PCLO: variants seen among roughly 807,000 people sequenced by gnomAD.
PCLO encodes the protein piccolo presynaptic cytomatrix protein.
A neutral mutation model predicts 427.5 loss-of-function variants in PCLO; 82 were observed. The ratio of observed to expected loss-of-function variants is 0.19; its 90% CI spans 0.16 to 0.23. The LOEUF (loss-of-function observed/expected upper bound fraction) is 0.23. Ranked by LOEUF, PCLO falls within the 10% of genes least tolerant of loss-of-function variation. PCLO has a pLI of 1.00. For missense variants in PCLO, 6,239 were observed against 6,115.9 expected, an observed-to-expected ratio of 1.02 and a Z score of -0.67; for synonymous variants, 2,357 against 2,155.4, an observed-to-expected ratio of 1.09 and a Z score of -2.59.
chr7:83,091,277 A>G (rs1375210601), intron 3 of PCLO, among the ~76,000 whole-genome samples: 2 of 152,194 alleles, frequency 1.3e-5, no homozygotes, highest in Non-Finnish European at 2.9e-5. Context: ...TGCCAACTGA[A>G]TGATAGAATG....
At chr7:82,939,336 T>A (rs1024979058) in intron 6 of PCLO, among the ~76,000 whole-genome samples, 1 of 152,084 alleles carries the variant, frequency 6.6e-6, no homozygotes, top group South Asian at 2.1e-4. Flanking sequence ...CCATGGTAAA[T>A]GACAATTTTA....
intron 3 of PCLO, among the ~76,000 whole-genome samples, chr7:82,994,862 T>C (rs1344128955): frequency 6.6e-6 from 1 of 151,916 alleles, no homozygotes; most frequent in South Asian, 2.1e-4. Context: ...ACAAAACCGA[T>C]AGAATTTAAC....
At chr7:83,015,820 G>C (rs943707481) in intron 3 of PCLO, among the ~76,000 whole-genome samples, 1 of 151,814 alleles carries the variant, frequency 6.6e-6, no homozygotes, top group Non-Finnish European at 1.5e-5. Context: ...AACATTACAC[G>C]TTCTTAGAAA....
chr7:82,992,474 A>G (rs1796399545), intron 3 of PCLO, among the ~76,000 whole-genome samples: 2 of 152,150 alleles, frequency 1.3e-5, no homozygotes, highest in South Asian at 4.1e-4. Flanking sequence ...TAAAGTTGTC[A>G]TACTAGACAG....
At chr7:82,822,429 G>A (rs1161815947) in intron 20 of PCLO, 66 bp downstream of exon 20, 2 of 1,611,488 alleles carry the variant, frequency 1.2e-6, no homozygotes, top group Non-Finnish European at 1.7e-6. Flanking sequence ...GGAAAGGACA[G>A]CAGGAAAGAA....
chr7:83,149,025 G>A (rs1413483577), intron 2 of PCLO, among the ~76,000 whole-genome samples: 7 of 152,176 alleles, frequency 4.6e-5, no homozygotes, highest in Admixed American at 4.6e-4. Flanking sequence ...CATTGTGGGA[G>A]AGAAGCATCA....
At chr7:83,027,583 G>A (rs1158779605) in intron 3 of PCLO, among the ~76,000 whole-genome samples, 45 of 150,552 alleles carry the variant, frequency 3.0e-4, no homozygotes, top group African/African-American at 1.1e-3. Context: ...AGAAAAAGAG[G>A]GAATCCTCCC....
chr7:82,934,160 G>A (rs1245949199), intron 6 of PCLO, among the ~76,000 whole-genome samples: 1 of 151,806 alleles, frequency 6.6e-6, no homozygotes, highest in African/African-American at 2.4e-5. Flanking sequence ...GAGATGACCA[G>A]TTTATGATAG....
At chr7:83,161,160 T>C (rs1435104877) in intron 1 of PCLO, among the ~76,000 whole-genome samples, 1 of 152,214 alleles carries the variant, frequency 6.6e-6, no homozygotes, top group Non-Finnish European at 1.5e-5. Context: ...ATATTGTCAC[T>C]ATCCATAAAA....
rs1792468370 is a variant in PCLO, at chr7:82,845,265, C to T, written c.14046+6G>A. ...GTGGGTCAGAGGTCACATCAACAAT[C>T]CTCACCTTGCTGCTGCCGTGCTTCT... is the stretch of plus-strand genomic sequence containing the variant. On this transcript the variant is annotated splice_donor_region_variant and intron_variant, in intron 13 of 24. Coordinates refer to ENST00000333891, the MANE Select transcript of PCLO (RefSeq NM_033026.6). 2 of 1,610,802 alleles carry T rather than the reference C, an allele frequency of 1.2e-6. No homozygotes were observed. Among genetic ancestry groups the T allele is most frequent in the South Asian group, 1.1e-5 (1 of 90,972 alleles).
rs200309741 is a variant in PCLO, at chr7:82,954,278, T to G, written c.6675A>C (p.Glu2225Asp). Reference protein sequence around the residue: ...DMITKFEDSEEISSSTYFPGS... With the variant: ...DMITKFEDSEDISSSTYFPGS... ...CTGGAAAATAAGTTGATGAAGAAAT[T>G]TCCTCAGAATCTTCAAATTTAGTTA... The change falls in exon 5 of 25, where the codon GAA (glutamate) becomes GAC (aspartate). Residue 2225 changes from glutamate (E) to aspartate (D), a missense_variant. By Grantham distance (45) the Glu-to-Asp change is conservative (BLOSUM62 2). Around this residue, in one of 5 missense-constraint regions of PCLO, gnomAD observed 4,677 missense variants for 4,468.4 expected, o/e 1.05. Coordinates refer to ENST00000333891, the MANE Select transcript of PCLO (RefSeq NM_033026.6). 1 of 1,613,714 alleles carries G rather than the reference T, an allele frequency of 6.2e-7. No individual in the cohort carries two copies. The highest frequency in any genetic ancestry group is 8.5e-7 in the Non-Finnish European group (1 of 1,179,736).
chr7:82,905,717 A>C (rs1013704100), intron 8 of PCLO, among the ~76,000 whole-genome samples: 3 of 151,958 alleles, frequency 2.0e-5, no homozygotes, highest in African/African-American at 7.2e-5. Context: ...CGAAAACAGA[A>C]CATTCAAATT....
chr7:82,810,464 G>A (rs1791546260), intron 20 of PCLO, among the ~76,000 whole-genome samples: 1 of 151,496 alleles, frequency 6.6e-6, no homozygotes, highest in South Asian at 2.1e-4. Flanking sequence ...TAAGTACCAA[G>A]TAAAGGAAAG....
intron 9 of PCLO, chr7:82,879,824 T>G: frequency 2.3e-6 from 1 of 437,288 alleles, no homozygotes; most frequent in Non-Finnish European, 4.4e-6. Flanking sequence ...AACATTTTAC[T>G]TATAGAAGAG....
At chr7:82,909,159 T>C in intron 7 of PCLO, 146 bp from the exon 8 acceptor site, 2 of 696,054 alleles carry the variant, frequency 2.9e-6, no homozygotes, top group Non-Finnish European at 4.5e-6. Context: ...ACTAGAAAAA[T>C]TATTTTTGTT....
chr7:82,941,828 A>C (rs1795093978), intron 6 of PCLO, among the ~76,000 whole-genome samples: 3 of 152,336 alleles, frequency 2.0e-5, no homozygotes, highest in African/African-American at 4.8e-5. Flanking sequence ...AGTAAGAATT[A>C]ATTTAGCATA....
chr7:82,788,300 T>C (rs1791026815), intron 22 of PCLO, among the ~76,000 whole-genome samples: 1 of 148,396 alleles, frequency 6.7e-6, no homozygotes, highest in South Asian at 2.1e-4. Context: ...GATATAGTTA[T>C]GATTTAAACT....
At chr7:82,802,000 G>A (rs1012289063) in intron 21 of PCLO, among the ~76,000 whole-genome samples, 2 of 150,818 alleles carry the variant, frequency 1.3e-5, no homozygotes, top group African/African-American at 4.9e-5. Flanking sequence ...CAGTTTTTTT[G>A]GTAAAAAGAG....
chr7:83,028,424 A>G (rs1164990672), intron 3 of PCLO, among the ~76,000 whole-genome samples: 217 of 144,784 alleles, frequency 1.5e-3, no homozygotes, highest in Non-Finnish European at 2.6e-3. Context: ...CTCTTCAAGG[A>G]GAACTACAAA....
Sources: gnomAD v4.1 joint callset for allele counts (sites outside exome capture counted in the v4.1 genomes callset) on GRCh38, gnomAD v4.1.1 for gene constraint, gnomAD v4.1.1 regional missense constraint, MANE v1.5 for transcripts, NCBI Gene and HGNC (gene_info 2026-07-23, HGNC 2026-07-21) for gene names.